CCM2: variants seen among roughly 807,000 people sequenced by gnomAD.
CCM2 encodes CCM2 scaffold protein, also known as cerebral cavernous malformations 2 protein.
CCM2 carries 25 observed loss-of-function variants against 44.9 expected under a neutral mutation model. That is an observed-to-expected ratio of 0.56 (90% confidence interval 0.41 to 0.78). The LOEUF is 0.78. CCM2 is among the 30% of genes least tolerant of loss of function. The pLI, the probability that CCM2 is intolerant of heterozygous loss-of-function variation, is 0.00. For synonymous variants in CCM2, 219 were observed against 241.1 expected, an observed-to-expected ratio of 0.91 and a Z score of 0.85; for missense variants, 481 against 580.6, an observed-to-expected ratio of 0.83 and a Z score of 1.76.
intron 1 of CCM2, among the ~76,000 whole-genome samples, chr7:45,032,796 T>C (rs1797028757): frequency 2.0e-5 from 3 of 151,954 alleles, no homozygotes; most frequent in Non-Finnish European, 4.4e-5. Flanking sequence ...ATTCCAGCAC[T>C]TTGGGAGGCT....
intron 6 of CCM2, chr7:45,072,162 C>T (rs1444154028): frequency 5.8e-6 from 2 of 342,138 alleles, no homozygotes; most frequent in East Asian, 8.0e-5. Flanking sequence ...CAGTCTGTGT[C>T]ACACGGACCT....
chr7:45,040,473 C>T (rs1267422814), intron 2 of CCM2, among the ~76,000 whole-genome samples: 1 of 151,766 alleles, frequency 6.6e-6, no homozygotes, highest in Non-Finnish European at 1.5e-5. Flanking sequence ...AATTAGATGA[C>T]CAATTCAGGA....
In CCM2 at chr7:45,076,071, G is replaced by A. The variant is rs116320627; in HGVS notation, c.*14G>A. The A allele has an allele frequency of 2.5e-6, 4 of 1,612,744 alleles. No homozygotes were observed. Among genetic ancestry groups the A allele is most frequent in the Non-Finnish European group, 2.5e-6 (3 of 1,179,994 alleles). On this transcript the variant is annotated 3_prime_UTR_variant, in exon 10 of 10. Coordinates refer to ENST00000258781, the MANE Select transcript of CCM2 (RefSeq NM_031443.4). Reference sequence around the variant, plus strand: ...GACTCAGCATGATGGACAGTGGATGGGGGGGCACCCACACCTTCCGCGCAG... The same window carrying A: ...GACTCAGCATGATGGACAGTGGATGAGGGGGCACCCACACCTTCCGCGCAG...
At chr7:45,035,076 C>A (rs1405087972) in intron 1 of CCM2, among the ~76,000 whole-genome samples, 2 of 152,002 alleles carry the variant, frequency 1.3e-5, no homozygotes, top group Non-Finnish European at 2.9e-5. Flanking sequence ...GCTCAACAAT[C>A]TACCCACCTC....
At chr7:45,061,452 CTTTCTTTTTTTT>C (rs1651632343) in intron 2 of CCM2, among the ~76,000 whole-genome samples, 1 of 138,572 alleles carries the variant, frequency 7.2e-6, no homozygotes, top group Admixed American at 7.2e-5. Flanking sequence ...TTCTTTCTTT[CTTTCTTTTTTTT>C]TTTTTTTTTT....
chr7:45,039,766 C>T (rs1205947477), intron 2 of CCM2, among the ~76,000 whole-genome samples: 1 of 152,190 alleles, frequency 6.6e-6, no homozygotes, highest in Non-Finnish European at 1.5e-5. Flanking sequence ...GTGGCTCACA[C>T]CTGTAATCCC....
At chr7:45,030,873 A>G (rs1053695223) in intron 1 of CCM2, among the ~76,000 whole-genome samples, 1 of 151,852 alleles carries the variant, frequency 6.6e-6, no homozygotes, top group African/African-American at 2.4e-5. Flanking sequence ...ACAGGTGTGC[A>G]CCACCATGCC....
intron 2 of CCM2, among the ~76,000 whole-genome samples, chr7:45,054,236 T>C (rs1798144418): frequency 6.6e-6 from 1 of 152,184 alleles, no homozygotes; most frequent in South Asian, 2.1e-4. Flanking sequence ...TTGAGGCCTA[T>C]GTGTTATATT....
intron 1 of CCM2, among the ~76,000 whole-genome samples, chr7:45,008,391 T>C (rs1795934998): frequency 7.3e-6 from 1 of 136,264 alleles, no homozygotes; most frequent in Non-Finnish European, 1.6e-5. Context: ...TTTGAGACAG[T>C]TTTGCTCTTG....
At chr7:45,008,077 C>T (rs1410346913) in intron 1 of CCM2, among the ~76,000 whole-genome samples, 1 of 139,970 alleles carries the variant, frequency 7.1e-6, no homozygotes, top group Non-Finnish European at 1.5e-5. Context: ...GAGTCTTGCT[C>T]TGCTGCCCAG....
chr7:45,019,556 T>TA (rs749474328), intron 1 of CCM2, among the ~76,000 whole-genome samples: 4 of 152,158 alleles, frequency 2.6e-5, no homozygotes, highest in Non-Finnish European at 4.4e-5. Context: ...TCCAAACTCT[T>TA]ATCTACCCTG....
At chr7:45,073,628 G>T (rs1162078179) in intron 8 of CCM2, 57 bp downstream of exon 8, 4 of 1,276,050 alleles carry the variant, frequency 3.1e-6, no homozygotes, top group Non-Finnish European at 4.5e-6. Flanking sequence ...CCCCAGGGAG[G>T]ATGGGGGGAA....
In CCM2 at chr7:45,073,448, A is replaced by C. The variant is rs765601186; in HGVS notation, c.804-12A>C. The C allele has an allele frequency of 6.2e-7, 1 of 1,605,946 alleles. No homozygotes were observed. Among genetic ancestry groups the C allele is most frequent in the Non-Finnish European group, 8.5e-7 (1 of 1,175,056 alleles). On this transcript the variant is annotated splice_polypyrimidine_tract_variant and intron_variant, in intron 7 of 9. Transcript: ENST00000258781. ...GGGAAGCCACCCGCTCACATACCAC[A>C]TTCTTTCGCAGCTGCTTCCCTGAAT...
At chr7:45,014,881 C>A (rs1457038643) in intron 1 of CCM2, among the ~76,000 whole-genome samples, 1 of 152,222 alleles carries the variant, frequency 6.6e-6, no homozygotes, top group Non-Finnish European at 1.5e-5. Flanking sequence ...CTCAGCCTCC[C>A]AAAGTGCTGG....
chr7:45,002,174 T>C (rs976295860), intron 1 of CCM2, among the ~76,000 whole-genome samples: 3 of 152,272 alleles, frequency 2.0e-5, no homozygotes, highest in East Asian at 1.9e-4. Flanking sequence ...ATTGCATTGC[T>C]CTAAACTTAT....
At chr7:45,056,201 A>G (rs1166754800) in intron 2 of CCM2, among the ~76,000 whole-genome samples, 4 of 152,260 alleles carry the variant, frequency 2.6e-5, no homozygotes, top group Non-Finnish European at 5.9e-5. Context: ...ATATATACCC[A>G]GAAGTGGAAT....
At chr7:45,065,471 G>C (rs912830335) in intron 4 of CCM2, among the ~76,000 whole-genome samples, 1 of 152,202 alleles carries the variant, frequency 6.6e-6, no homozygotes, top group Non-Finnish European at 1.5e-5. Flanking sequence ...GGGTCACAGT[G>C]GGTCTGCCTA....
chr7:45,071,649 G>C (rs972814859), intron 6 of CCM2: 3 of 397,930 alleles, frequency 7.5e-6, no homozygotes, highest in Non-Finnish European at 1.5e-5. Flanking sequence ...CACAGGGCTG[G>C]TTCCTTCTGG....
chr7:45,008,650 C>G (rs1795945530), intron 1 of CCM2, among the ~76,000 whole-genome samples: 1 of 152,148 alleles, frequency 6.6e-6, no homozygotes. Flanking sequence ...GCGTGAGCCA[C>G]CGCACCCGGC....
Sources: allele counts gnomAD v4.1 joint callset (sites outside exome capture counted in the v4.1 genomes callset), GRCh38; gene constraint gnomAD v4.1.1; transcripts MANE v1.5; gene names NCBI Gene and HGNC (gene_info 2026-07-23, HGNC 2026-07-21).